Variants in UBALD1 observed in about 807,000 individuals in gnomAD.
UBALD1 encodes the protein UBA like domain containing 1, also known as UBA-like domain-containing protein 1.
Under a neutral mutation model 16.1 loss-of-function variants are expected in UBALD1, and 5 were observed. The observed-to-expected ratio is 0.31, with a 90% CI of 0.16 to 0.66. The LOEUF (loss-of-function observed/expected upper bound fraction) is 0.66, where lower values mean the gene tolerates loss of function less well. Among genes scored for constraint, UBALD1 ranks in the 30% least tolerant of loss-of-function variants. UBALD1 has a pLI of 0.77. For synonymous variants in UBALD1, 146 were observed against 105.3 expected, an observed-to-expected ratio of 1.39 and a Z score of -2.37; for missense variants, 220 against 252.8, an observed-to-expected ratio of 0.87 and a Z score of 0.88.
chr16:4,609,916 C>T lies in UBALD1; in HGVS notation c.251G>A (p.Arg84His), dbSNP rs535455133. The change falls in exon 3 of 3, where the codon CGT (arginine) becomes CAT (histidine). Residue 84 changes from arginine (R) to histidine (H), a missense_variant. By Grantham distance (29) the Arg-to-His change is conservative (BLOSUM62 0). Around this residue, in one of 2 missense-constraint regions of UBALD1, gnomAD observed 69 missense variants for 120.3 expected, o/e 0.57. Coordinates refer to ENST00000283474, the MANE Select transcript of UBALD1 (RefSeq NM_145253.3). ...NFPDALTMFS[R>H]LKASESFHSG... is the part of the protein sequence containing the mutation. ...GTGGAAGCTCTCGGAGGCCTTGAGACGGGAGAACATGGTGAGAGCGTCAGG... is the reference window on the plus strand; with the variant it reads ...GTGGAAGCTCTCGGAGGCCTTGAGATGGGAGAACATGGTGAGAGCGTCAGG... 13 of 1,573,072 alleles carry T rather than the reference C, an allele frequency of 8.3e-6. No homozygotes were observed. The highest frequency in any genetic ancestry group is 5.5e-5 in the Admixed American group (3 of 54,952).
In UBALD1 at chr16:4,614,770, G is replaced by A; in HGVS notation, c.28C>T (p.His10Tyr). The change falls in exon 1 of 3, where the codon CAC (histidine) becomes TAC (tyrosine). Residue 10 changes from histidine (H) to tyrosine (Y), a missense_variant. By Grantham distance (83) the His-to-Tyr change is moderately conservative. Around this residue, in one of 2 missense-constraint regions of UBALD1, gnomAD observed 69 missense variants for 120.3 expected, o/e 0.57. Transcript: ENST00000283474. MSVNMDELK[H>Y]QVMINQFVLT... is the part of the protein sequence containing the mutation. ...ACGAACTGGTTGATCATGACCTGGT[G>A]CTTGAGCTCGTCCATGTTCACGGAC... 6.5e-7 allele frequency: 1 copy of A among 1,549,140 alleles called. No homozygotes were observed. The highest frequency in any genetic ancestry group is 2.6e-5 in the East Asian group (1 of 38,058).
chr16:4,614,853 C>G lies in UBALD1; in HGVS notation c.-56G>C. On this transcript the variant is annotated 5_prime_UTR_variant, in exon 1 of 3. Transcript: ENST00000283474. ...CTCCTCCGCCCGCGCCTCCGCCTCA[C>G]GCGTCCACCATTAGCGAGCCGGCTC... The G allele has an allele frequency of 1.4e-6, 2 of 1,429,962 alleles. No individual in the cohort carries two copies. The highest frequency in any genetic ancestry group is 1.8e-6 in the Non-Finnish European group (2 of 1,086,548). The allele number at this position is 1,429,962 out of a possible 1,614,324, so 88.6% of individuals were successfully genotyped here.
intron 2 of UBALD1, 141 bp downstream of exon 2, chr16:4,610,352 C>A: frequency 1.2e-6 from 1 of 867,974 alleles, no homozygotes; most frequent in Non-Finnish European, 1.8e-6. Flanking sequence ...GGAGCCGGGA[C>A]TCCTGCTGAC....
Position 4,609,459 on chromosome 16 carries a change from C to T in UBALD1, c.*174G>A, listed in dbSNP as rs1465584730. ...CTGGGGCCATGACCTTGCGTGTGGG[C>T]AGCTGCGTGTTCTGGCACCAGACGT... is the stretch of plus-strand genomic sequence containing the variant. On this transcript the variant is annotated 3_prime_UTR_variant, in exon 3 of 3. Coordinates refer to ENST00000283474, the MANE Select transcript of UBALD1 (RefSeq NM_145253.3). 4 of 409,566 alleles carry T rather than the reference C, an allele frequency of 9.8e-6. No individual in the cohort carries two copies. Among genetic ancestry groups the T allele is most frequent in the Non-Finnish European group, 1.7e-5 (4 of 234,372 alleles). 25.4% of individuals were successfully genotyped at this position (409,566 alleles called of 1,614,324 possible).
intron 2 of UBALD1, 77 bp from the exon 3 acceptor site, chr16:4,610,060 C>T (rs749074917): frequency 9.9e-6 from 11 of 1,114,216 alleles, no homozygotes; most frequent in South Asian, 5.3e-5. Context: ...AGGGGAGATG[C>T]GTGGCTGGCC....
intron 1 of UBALD1, among the ~76,000 whole-genome samples, chr16:4,613,557 G>A (rs780502542): frequency 6.6e-6 from 1 of 152,256 alleles, no homozygotes; most frequent in East Asian, 1.9e-4. Flanking sequence ...CCTCCTGCAG[G>A]CCCTGGGATG....
chr16:4,611,939 C>G (rs544072746), intron 1 of UBALD1, among the ~76,000 whole-genome samples: 208 of 152,278 alleles, frequency 1.4e-3, no homozygotes, highest in African/African-American at 4.7e-3. Context: ...ACCGCCACCC[C>G]TCAGGCCCAC....
In UBALD1 at chr16:4,609,748, T is replaced by C; in HGVS notation, c.419A>G (p.Gln140Arg). Residue 140 changes from glutamine (Q) to arginine (R), a missense_variant, in exon 3 of 3, where the codon CAG becomes CGG. By Grantham distance (43) the Gln-to-Arg change is conservative (BLOSUM62 1). Coordinates refer to ENST00000283474, the MANE Select transcript of UBALD1 (RefSeq NM_145253.3). ...PPGGPQHHQP[Q>R]PPLWTPTPPS... ...GGGTGTTGGAGTCCACAGGGGCGGC[T>C]GTGGCTGGTGGTGCTGTGGGCCCCC... 1.3e-6 allele frequency: 2 copies of C among 1,501,038 alleles called. No homozygotes were observed. The highest frequency in any genetic ancestry group is 1.8e-6 in the Non-Finnish European group (2 of 1,128,668). 93.0% of individuals were successfully genotyped at this position (1,501,038 alleles called of 1,614,324 possible).
chr16:4,610,696 G>T, intron 1 of UBALD1, 141 bp from the exon 2 acceptor site: 1 of 899,594 alleles, frequency 1.1e-6, no homozygotes, highest in Non-Finnish European at 1.7e-6. Flanking sequence ...CTGAGGCTCA[G>T]TGGCTTGCCT....
intron 1 of UBALD1, chr16:4,611,162 G>A (rs1205786079): frequency 6.4e-6 from 1 of 156,370 alleles, no homozygotes; most frequent in Non-Finnish European, 1.4e-5. Context: ...ACCACAAAGA[G>A]GTTCGACTAG....
At chr16:4,610,725 T>C (rs910854946) in intron 1 of UBALD1, 170 bp from the exon 2 acceptor site, 22 of 703,958 alleles carry the variant, frequency 3.1e-5, no homozygotes, top group Non-Finnish European at 4.7e-5. Context: ...CAACCCTCAC[T>C]GCTGTCTAAG....
At chr16:4,614,418 G>GT (rs1897397547) in intron 1 of UBALD1, 1 of 447,276 alleles carries the variant, frequency 2.2e-6, no homozygotes, top group African/African-American at 2.1e-5. Context: ...GGGTGGGGGG[G>GT]GTCCCCGTCT....
rs779311794 is a variant in UBALD1, at chr16:4,609,687, G to T, written c.480C>A (p.Pro160=). ...SPASDWPPLA[P]QQATSEPRAH... is the part of the protein sequence containing the mutation. ...CCCTGGGTTCTGAGGTGGCCTGTTG[G>T]GGGGCCAGGGGTGGCCAGTCTGAAG... The change falls in exon 3 of 3, where the codon CCC becomes CCA. Residue 160 remains proline, a synonymous_variant. Transcript: ENST00000283474. The T allele has an allele frequency of 3.4e-6, 5 of 1,471,748 alleles. No individual in the cohort carries two copies. The highest frequency in any genetic ancestry group is 4.5e-6 in the Non-Finnish European group (5 of 1,113,210). 91.2% of individuals were successfully genotyped at this position (1,471,748 alleles called of 1,614,324 possible).
chr16:4,612,964 C>A (rs996020700), intron 1 of UBALD1, among the ~76,000 whole-genome samples: 2 of 152,154 alleles, frequency 1.3e-5, no homozygotes, highest in African/African-American at 4.8e-5. Flanking sequence ...TTGCACTCCT[C>A]AAAGCTGCAT....
In UBALD1 at chr16:4,609,545, G is replaced by T; in HGVS notation, c.*88C>A. The T allele has an allele frequency of 1.8e-6, 1 of 553,332 alleles. No homozygotes were observed. Among genetic ancestry groups the T allele is most frequent in the Non-Finnish European group, 2.8e-6 (1 of 352,692 alleles). The allele number at this position is 553,332 out of a possible 1,614,324, so 34.3% of individuals were successfully genotyped here. On this transcript the variant is annotated 3_prime_UTR_variant, in exon 3 of 3. Coordinates refer to ENST00000283474, the MANE Select transcript of UBALD1 (RefSeq NM_145253.3). ...AGGGCTCCGGGGAACAAGGGGTGCA[G>T]ACAGAAAAGGGGTGAAGGGGGCCCG...
At position 4,609,593 on chromosome 16, in the gene UBALD1, C is replaced by T; in HGVS notation, c.*40G>A. 1 of 947,914 alleles carries T rather than the reference C, an allele frequency of 1.1e-6. No individual in the cohort carries two copies. Among genetic ancestry groups the T allele is most frequent in the Non-Finnish European group, 1.5e-6 (1 of 686,220 alleles). The allele number at this position is 947,914 out of a possible 1,614,324, so 58.7% of individuals were successfully genotyped here. On this transcript the variant is annotated 3_prime_UTR_variant, in exon 3 of 3. Coordinates refer to ENST00000283474, the MANE Select transcript of UBALD1 (RefSeq NM_145253.3). ...CCGCAGAGACGTCCTCTCCCCCGCC[C>T]CACGGGGTCCTGGCCTCCGGGAGGG... is the stretch of plus-strand genomic sequence containing the variant.
intron 1 of UBALD1, among the ~76,000 whole-genome samples, chr16:4,612,311 C>T (rs571440475): frequency 6.6e-6 from 1 of 152,120 alleles, no homozygotes; most frequent in Middle Eastern, 3.2e-3. Context: ...ATCCGCCCAC[C>T]TTGGCCTCCC....
Position 4,610,654 on chromosome 16 carries a change from G to A in UBALD1, c.121-99C>T, listed in dbSNP as rs752776438. On this transcript the variant is annotated intron_variant, in intron 1 of 2. Coordinates refer to ENST00000283474, the MANE Select transcript of UBALD1 (RefSeq NM_145253.3). The stretch of plus-strand genomic sequence containing the variant: ...TCTGAGGCTGGGGATGACCCTGGCT[G>A]GACTGCTGAGTGGGAGGGGTGAGTC... 1.9e-5 allele frequency: 26 copies of A among 1,370,738 alleles called. No individual in the cohort carries two copies. The African/African-American group carries it at 2.0e-4, about 11-fold the overall frequency. 84.9% of individuals were successfully genotyped at this position (1,370,738 alleles called of 1,614,324 possible).
At chr16:4,612,311 C>G (rs571440475) in intron 1 of UBALD1, among the ~76,000 whole-genome samples, 7 of 152,120 alleles carry the variant, frequency 4.6e-5, no homozygotes, top group Non-Finnish European at 1.0e-4. Flanking sequence ...ATCCGCCCAC[C>G]TTGGCCTCCC....
Sources: gnomAD v4.1 joint callset for allele counts (sites outside exome capture counted in the v4.1 genomes callset) on GRCh38, gnomAD v4.1.1 for gene constraint, gnomAD v4.1.1 regional missense constraint, MANE v1.5 for transcripts, NCBI Gene and HGNC (gene_info 2026-07-23, HGNC 2026-07-21) for gene names.